DOCK4: variants seen among roughly 807,000 people sequenced by gnomAD.
DOCK4 encodes dedicator of cytokinesis 4.
In DOCK4, 97 loss-of-function variants were observed where a neutral mutation model predicts 268.1. That is an observed-to-expected ratio of 0.36 (90% CI 0.31 to 0.43). DOCK4 has a LOEUF of 0.43. DOCK4 is among the 20% of genes least tolerant of loss of function. DOCK4 has a pLI of 1.00. For synonymous variants in DOCK4, 954 were observed against 887.2 expected (o/e 1.08, Z -1.34); for missense variants, 2,145 against 2,455.7 (o/e 0.87, Z 2.67).
intron 30 of DOCK4, among the ~76,000 whole-genome samples, chr7:111,793,692 C>T (rs17158822): frequency 0.049 from 7,465 of 152,034 alleles, 772 homozygotes; most frequent in East Asian, 0.42. Context: ...GGTATTTGGG[C>T]TATTGCTAAG....
chr7:112,087,961 C>A (rs1243450647), intron 1 of DOCK4, among the ~76,000 whole-genome samples: 1 of 152,038 alleles, frequency 6.6e-6, no homozygotes, highest in Non-Finnish European at 1.5e-5. Context: ...TAGAAATAGT[C>A]AAAAATACAG....
chr7:112,134,491 G>A (rs764409781), intron 1 of DOCK4, among the ~76,000 whole-genome samples: 5 of 152,304 alleles, frequency 3.3e-5, no homozygotes, highest in East Asian at 1.9e-4. Flanking sequence ...AGGCCAAGGC[G>A]GGCGGAACAC....
intron 28 of DOCK4, 42 bp downstream of exon 28, chr7:111,811,832 T>G: frequency 8.4e-7 from 1 of 1,188,196 alleles, no homozygotes; most frequent in South Asian, 1.4e-5. Context: ...ACAATGTGAT[T>G]CTTTTAGCCC....
intron 1 of DOCK4, among the ~76,000 whole-genome samples, chr7:112,088,451 A>G (rs1809323041): frequency 6.6e-6 from 1 of 152,188 alleles, no homozygotes; most frequent in Non-Finnish European, 1.5e-5. Context: ...ACTTATTTGC[A>G]CACATATATA....
intron 1 of DOCK4, among the ~76,000 whole-genome samples, chr7:112,159,803 C>CTTATGTATAATAATACATAATA (rs1388170824): frequency 2.1e-5 from 3 of 140,352 alleles, no homozygotes; most frequent in African/African-American, 3.0e-5. Flanking sequence ...TTGTATTATA[C>CTTATGTATAATAATACATAATA]TTATGTATAA....
intron 7 of DOCK4, among the ~76,000 whole-genome samples, chr7:111,982,760 A>G (rs561702639): frequency 1.3e-5 from 2 of 152,374 alleles, no homozygotes; most frequent in South Asian, 4.1e-4. Flanking sequence ...GTACAAGACT[A>G]TCTTGAACAT....
chr7:112,066,510 C>CTATA (rs199615391), intron 1 of DOCK4, among the ~76,000 whole-genome samples: 6 of 134,770 alleles, frequency 4.5e-5, no homozygotes, highest in South Asian at 2.2e-4. Context: ...CTCTCTCTCT[C>CTATA]TCTATATATA....
At chr7:112,035,064 G>A (rs1803634045) in intron 1 of DOCK4, among the ~76,000 whole-genome samples, 1 of 152,114 alleles carries the variant, frequency 6.6e-6, no homozygotes, top group Non-Finnish European at 1.5e-5. Flanking sequence ...CCAGACCCAG[G>A]ACCCCTAACT....
At chr7:111,774,400 G>A (rs527330612) in intron 36 of DOCK4, among the ~76,000 whole-genome samples, 1 of 152,292 alleles carries the variant, frequency 6.6e-6, no homozygotes, top group South Asian at 2.1e-4. Context: ...CCTGGGAGGT[G>A]AAGTTGCAGT....
chr7:111,773,618 A>G (rs1209060315), intron 36 of DOCK4, among the ~76,000 whole-genome samples: 1 of 152,176 alleles, frequency 6.6e-6, no homozygotes, highest in Admixed American at 6.5e-5. Context: ...TCTGCTTATC[A>G]GGTGTTAATG....
intron 1 of DOCK4, among the ~76,000 whole-genome samples, chr7:112,201,413 T>A (rs1587048621): frequency 6.6e-6 from 1 of 152,154 alleles, no homozygotes; most frequent in East Asian, 1.9e-4. Flanking sequence ...TTTTGTTTCT[T>A]ATAAGGTTCA....
chr7:112,143,892 C>T (rs903311626), intron 1 of DOCK4, among the ~76,000 whole-genome samples: 4 of 152,142 alleles, frequency 2.6e-5, no homozygotes, highest in South Asian at 2.1e-4. Flanking sequence ...TGTTTTGATT[C>T]GGATCATCTG....
At chr7:112,191,540 A>G (rs1395979764) in intron 1 of DOCK4, among the ~76,000 whole-genome samples, 11 of 152,176 alleles carry the variant, frequency 7.2e-5, no homozygotes, top group Admixed American at 3.3e-4. Context: ...CTTATTTCAC[A>G]TAATACTGGT....
intron 1 of DOCK4, among the ~76,000 whole-genome samples, chr7:112,168,854 G>C (rs1817833291): frequency 6.6e-6 from 1 of 152,232 alleles, no homozygotes; most frequent in South Asian, 2.1e-4. Context: ...TGTTGTCCCA[G>C]TTTGGATCAG....
At chr7:111,839,792 G>T (rs1040852366) in intron 25 of DOCK4, among the ~76,000 whole-genome samples, 25 of 151,928 alleles carry the variant, frequency 1.6e-4, no homozygotes, top group African/African-American at 6.0e-4. Context: ...TAATTTTTTT[G>T]CTCTATTTCT....
At chr7:111,945,065 A>C (rs753345229) in intron 9 of DOCK4, among the ~76,000 whole-genome samples, 194 bp from the exon 10 acceptor site, 4 of 152,268 alleles carry the variant, frequency 2.6e-5, no homozygotes, top group Non-Finnish European at 5.9e-5. Flanking sequence ...ATTGATACCA[A>C]GTAATACTTT....
chr7:112,046,763 T>G (rs1044535972), intron 1 of DOCK4, among the ~76,000 whole-genome samples: 1 of 152,156 alleles, frequency 6.6e-6, no homozygotes, highest in Non-Finnish European at 1.5e-5. Context: ...CTACATATGA[T>G]GTGAGCCCTA....
In DOCK4 at chr7:111,745,891, C is replaced by A. The variant is rs184537352; in HGVS notation, c.4677+443G>T. On this transcript the variant is annotated intron_variant, in intron 44 of 52. Transcript: ENST00000428084. ...CATCCCACAAGTGGAAAATTCCACA[C>A]CCAACCTCACGTGATGGGTTGCAGT... Among the ~76,000 whole-genome samples, 949 of 152,036 alleles carry A rather than the reference C, an allele frequency of 6.2e-3. 7 individuals are homozygous for A. Among genetic ancestry groups the A allele is most frequent in the African/African-American group, 0.022 (925 of 41,464 alleles).
intron 35 of DOCK4, among the ~76,000 whole-genome samples, chr7:111,782,355 A>G (rs572665748): frequency 6.6e-6 from 1 of 152,328 alleles, no homozygotes; most frequent in African/African-American, 2.4e-5. Context: ...TTATGAATTC[A>G]ATTTGCAAAA....
Sources: allele counts gnomAD v4.1 joint callset (sites outside exome capture counted in the v4.1 genomes callset), GRCh38; gene constraint gnomAD v4.1.1; transcripts MANE v1.5; gene names NCBI Gene and HGNC (gene_info 2026-07-23, HGNC 2026-07-21).